Variants in PNPT1 observed in about 807,000 individuals in gnomAD.
PNPT1 encodes the protein polyribonucleotide nucleotidyltransferase 1.
PNPT1 carries 53 observed loss-of-function variants against 119.5 expected under a neutral mutation model. The observed-to-expected ratio is 0.44, with a 90% CI of 0.36 to 0.56. The LOEUF is 0.56. Ranked by LOEUF, PNPT1 falls within the 20% of genes least tolerant of loss-of-function variation. PNPT1 has a pLI of 0.00. For missense variants in PNPT1, 948 were observed against 938.5 expected (o/e 1.01, Z -0.13); for synonymous variants, 357 against 322.1 (o/e 1.11, Z -1.16).
chr2:55,690,314 T>C (rs1211738926), intron 1 of PNPT1, among the ~76,000 whole-genome samples: 2 of 149,362 alleles, frequency 1.3e-5, no homozygotes, highest in Non-Finnish European at 3.0e-5. Flanking sequence ...AAAGGTGTTT[T>C]GAGATGAAAC....
chr2:55,674,804 C>T (rs1206811858), intron 8 of PNPT1, among the ~76,000 whole-genome samples: 1 of 152,076 alleles, frequency 6.6e-6, no homozygotes, highest in Non-Finnish European at 1.5e-5. Flanking sequence ...TATTTTGCAC[C>T]AGGCCTGAAG....
Position 55,664,012 on chromosome 2 carries a change from A to G in PNPT1, c.1177-1986T>C, listed in dbSNP as rs537894601. 1.8e-4 allele frequency among the ~76,000 whole-genome samples: 28 copies of G among 152,244 alleles called. No individual in the cohort carries two copies. The South Asian group carries it at 5.6e-3, about 30-fold the overall frequency. On this transcript the variant is annotated intron_variant, in intron 13 of 27. Transcript: ENST00000447944. ...CCAAAAAAAGAAAACTCATAGGATG[A>G]TATTAAAGGAAGTCTTGTCAGAATG...
rs767625352 is a variant in PNPT1, at chr2:55,647,359, C to T, written c.1590G>A (p.Leu530=). ...AGAATATACTTGCCAAAATATCTGT[C>T]AGCAAACGATAATCTTCTATTTCAC... ...EKGEIEDYRL[L]TDILGIEDYN... Residue 530 remains leucine (L), a synonymous_variant, in exon 19 of 28, where the codon CTG becomes CTA. Transcript: ENST00000447944. The T allele has an allele frequency of 1.2e-6, 2 of 1,605,026 alleles. No individual in the cohort carries two copies. Among genetic ancestry groups the T allele is most frequent in the African/African-American group, 1.3e-5 (1 of 74,612 alleles).
chr2:55,680,536 C>T (rs1463292655), intron 7 of PNPT1, among the ~76,000 whole-genome samples, 176 bp downstream of exon 7: 3 of 151,242 alleles, frequency 2.0e-5, no homozygotes, highest in Non-Finnish European at 4.4e-5. Flanking sequence ...AGAAACAGAA[C>T]CCAAGACAAG....
intron 8 of PNPT1, among the ~76,000 whole-genome samples, chr2:55,676,895 G>T (rs1264710834): frequency 2.0e-5 from 3 of 151,802 alleles, no homozygotes; most frequent in Non-Finnish European, 4.4e-5. Context: ...ATGACTAAAT[G>T]ACTAAATATT....
At chr2:55,669,437 G>T (rs1696837235) in intron 11 of PNPT1, among the ~76,000 whole-genome samples, 1 of 152,110 alleles carries the variant, frequency 6.6e-6, no homozygotes, top group Non-Finnish European at 1.5e-5. Flanking sequence ...ACAAGAAATG[G>T]TCACAGAAAG....
At chr2:55,670,076 T>C (rs1476640711) in intron 11 of PNPT1, among the ~76,000 whole-genome samples, 2 of 150,738 alleles carry the variant, frequency 1.3e-5, no homozygotes, top group Admixed American at 6.6e-5. Flanking sequence ...TATCTTAAAA[T>C]AAATATTCAT....
intron 18 of PNPT1, 124 bp downstream of exon 18, chr2:55,654,776 A>G (rs1696331440): frequency 5.1e-6 from 4 of 780,948 alleles, no homozygotes; most frequent in South Asian, 3.3e-5. Context: ...AGGTCTTGCT[A>G]TGTTGCCCAG....
chr2:55,690,099 A>T (rs966230902), intron 1 of PNPT1, among the ~76,000 whole-genome samples: 4 of 152,322 alleles, frequency 2.6e-5, no homozygotes, highest in Admixed American at 1.3e-4. Context: ...TAGGATTACA[A>T]ATATAAGCCA....
intron 11 of PNPT1, among the ~76,000 whole-genome samples, chr2:55,670,197 A>T (rs943882478): frequency 3.3e-5 from 5 of 150,096 alleles, no homozygotes; most frequent in South Asian, 2.1e-4. Flanking sequence ...TTATTTATTT[A>T]TTTTTTTGAG....
chr2:55,646,179 T>C (rs564283200), intron 21 of PNPT1, 80 bp downstream of exon 21: 253 of 1,338,002 alleles, frequency 1.9e-4, no homozygotes, highest in Non-Finnish European at 2.5e-4. Flanking sequence ...AGCAATATTT[T>C]ATAATAAGCC....
chr2:55,657,229 T>TGAGGCA (rs1290294095), intron 15 of PNPT1, among the ~76,000 whole-genome samples: 1 of 151,656 alleles, frequency 6.6e-6, no homozygotes, highest in East Asian at 2.0e-4. Flanking sequence ...CTCATGAGGC[T>TGAGGCA]GAGGCACAAG....
intron 1 of PNPT1, among the ~76,000 whole-genome samples, 191 bp from the exon 2 acceptor site, chr2:55,687,896 T>C (rs1282834028): frequency 6.6e-6 from 1 of 152,110 alleles, no homozygotes; most frequent in African/African-American, 2.4e-5. Flanking sequence ...TAAAGAAGAA[T>C]ACGGAAACCA....
chr2:55,665,441 A>G (rs577489313), intron 13 of PNPT1, among the ~76,000 whole-genome samples: 1 of 152,242 alleles, frequency 6.6e-6, no homozygotes, highest in Non-Finnish European at 1.5e-5. Flanking sequence ...AAAAGGCAAT[A>G]AATAAAGAAG....
rs181357928 is a variant in PNPT1, at chr2:55,667,284, T to G, written c.1074-191A>C. ...AGAATGTCTGAAGTTGAACCTATAT[T>G]CCTGTGTTGTTAAAAAACTCTACAG... On this transcript the variant is annotated intron_variant, in intron 12 of 27. Coordinates refer to ENST00000447944, the MANE Select transcript of PNPT1 (RefSeq NM_033109.5). Among the ~76,000 whole-genome samples the G allele has an allele frequency of 9.9e-5, 15 of 152,234 alleles. No individual in the cohort carries two copies. In the East Asian group the frequency reaches 2.9e-3, roughly 29 times the overall value.
At position 55,645,246 on chromosome 2, in the gene PNPT1, G is replaced by A. The variant is rs7580619; in HGVS notation, c.1822+103C>T. 1,166 of 685,524 alleles carry A rather than the reference G, an allele frequency of 1.7e-3. 7 individuals are homozygous for A. In the African/African-American group the frequency reaches 0.017, roughly 10 times the overall value. The allele number at this position is 685,524 out of a possible 1,614,324, so 42.5% of individuals were successfully genotyped here. The stretch of plus-strand genomic sequence containing the variant: ...TCACCGTGTTAGCCAGGATGGTCTC[G>A]ATCTCCTGACCTTGTGATCCGCTCG... On this transcript the variant is annotated intron_variant, in intron 22 of 27. Coordinates refer to ENST00000447944, the MANE Select transcript of PNPT1 (RefSeq NM_033109.5).
chr2:55,681,000 G>T, intron 5 of PNPT1, 82 bp from the exon 6 acceptor site: 2 of 1,097,280 alleles, frequency 1.8e-6, no homozygotes, highest in South Asian at 1.4e-5. Context: ...GCACTATATG[G>T]CTAAAAGCAG....
intron 7 of PNPT1, 42 bp downstream of exon 7, chr2:55,680,670 A>T (rs754599746): frequency 6.4e-7 from 1 of 1,572,842 alleles, no homozygotes; most frequent in Admixed American, 1.8e-5. Flanking sequence ...TACTGAAAAA[A>T]AAAATACACA....
chr2:55,664,336 T>C, intron 13 of PNPT1, among the ~76,000 whole-genome samples: 1 of 152,140 alleles, frequency 6.6e-6, no homozygotes, highest in Non-Finnish European at 1.5e-5. Flanking sequence ...TGTGAGGGTC[T>C]TATGCCTGTA....
Sources: allele counts gnomAD v4.1 joint callset (sites outside exome capture counted in the v4.1 genomes callset), GRCh38; gene constraint gnomAD v4.1.1; transcripts MANE v1.5; gene names NCBI Gene and HGNC (gene_info 2026-07-23, HGNC 2026-07-21).